Variants in ELF1 observed in about 807,000 individuals in gnomAD.
The protein encoded by ELF1 is E74 like ETS transcription factor 1.
Under a neutral mutation model 59.9 loss-of-function variants are expected in ELF1, and 24 were observed. The observed-to-expected ratio is 0.40, with a 90% CI of 0.29 to 0.56. The LOEUF (loss-of-function observed/expected upper bound fraction) is 0.56, where lower values mean the gene tolerates loss of function less well. Ranked by LOEUF, ELF1 falls within the 20% of genes least tolerant of loss-of-function variation. ELF1 has a pLI of 0.44. For missense variants in ELF1, 627 were observed against 742.2 expected, an observed-to-expected ratio of 0.84 and a Z score of 1.80; for synonymous variants, 248 against 266.2, an observed-to-expected ratio of 0.93 and a Z score of 0.67.
chr13:40,980,495 A>G lies in ELF1; in HGVS notation c.72+1488T>C, dbSNP rs76715149. 3.9e-3 allele frequency among the ~76,000 whole-genome samples: 601 copies of G among 152,356 alleles called. 2 individuals carry two copies. The highest frequency in any genetic ancestry group is 0.013 in the African/African-American group (545 of 41,580). ...TAAGTATATCATACATAGTAAGTGT[A>G]TAAGTGTTGTTTTGCAAAACTCTTT... is the stretch of plus-strand genomic sequence containing the variant. On this transcript the variant is annotated intron_variant, in intron 2 of 8. Transcript: ENST00000239882.
rs138139847 is a variant in ELF1 at position 41,039,036 on chromosome 13, T to A, written c.-229+21802A>T. Among the ~76,000 whole-genome samples the A allele has an allele frequency of 7.3e-3, 1,065 of 146,820 alleles. 7 individuals are homozygous for A. Among genetic ancestry groups the A allele is most frequent in the Middle Eastern group, 0.014 (4 of 280 alleles). On this transcript the variant is annotated intron_variant, in intron 1 of 1. Transcript: ENST00000405737. Reference sequence around the variant, plus strand: ...AAAAAAAAAAAAAAAAGACTTTCTATGTATGACAAAAGGGCAGGAAAAAAA... The same window carrying A: ...AAAAAAAAAAAAAAAAGACTTTCTAAGTATGACAAAAGGGCAGGAAAAAAA...
chr13:41,047,836 T>A (rs987686071), intron 1 of ELF1, among the ~76,000 whole-genome samples: 2 of 152,228 alleles, frequency 1.3e-5, no homozygotes, highest in Non-Finnish European at 2.9e-5. Context: ...TCTGCAGAGG[T>A]TTCTGCTGCC....
At chr13:41,001,200 C>T (rs1874417957) in intron 1 of ELF1, among the ~76,000 whole-genome samples, 1 of 152,106 alleles carries the variant, frequency 6.6e-6, no homozygotes, top group South Asian at 2.1e-4. Flanking sequence ...TGGTCTTGAA[C>T]TCATGATCTC....
intron 1 of ELF1, among the ~76,000 whole-genome samples, chr13:41,043,216 A>G (rs950481981): frequency 1.2e-4 from 19 of 152,130 alleles, no homozygotes; most frequent in African/African-American, 4.1e-4. Context: ...CCTTTGTCAG[A>G]TGAGTAGATT....
intron 1 of ELF1, among the ~76,000 whole-genome samples, chr13:41,058,831 C>A (rs911464101): frequency 6.6e-6 from 1 of 152,064 alleles, no homozygotes; most frequent in African/African-American, 2.4e-5. Flanking sequence ...AAATTGGCCA[C>A]GCGTGGTGGC....
At chr13:40,948,222 C>T (rs530255837) in intron 5 of ELF1, among the ~76,000 whole-genome samples, 8 of 152,314 alleles carry the variant, frequency 5.3e-5, no homozygotes, top group African/African-American at 1.9e-4. Flanking sequence ...CCAGCCATTC[C>T]ACTACTAAGT....
At chr13:40,944,344 G>A (rs1870373396) in intron 5 of ELF1, among the ~76,000 whole-genome samples, 1 of 152,132 alleles carries the variant, frequency 6.6e-6, no homozygotes, top group Non-Finnish European at 1.5e-5. Context: ...TTTAAGGTAG[G>A]AGAAGTGGAT....
intron 1 of ELF1, among the ~76,000 whole-genome samples, chr13:40,986,937 CT>C (rs1555276215): frequency 4.7e-5 from 6 of 126,850 alleles, no homozygotes; most frequent in African/African-American, 1.2e-4. Context: ...AATCATTGCT[CT>C]TTTTTTTTTT....
At chr13:40,948,565 A>T (rs1028649099) in intron 5 of ELF1, among the ~76,000 whole-genome samples, 13 of 152,168 alleles carry the variant, frequency 8.5e-5, no homozygotes, top group African/African-American at 2.9e-4. Context: ...CCTGACTTTC[A>T]CATGAACTTA....
chr13:40,965,728 T>G (rs1872135276), intron 2 of ELF1, among the ~76,000 whole-genome samples: 1 of 152,210 alleles, frequency 6.6e-6, no homozygotes, highest in South Asian at 2.1e-4. Context: ...CTTCCAAACC[T>G]TCCAAACACT....
At chr13:41,048,704 C>T (rs527714706) in intron 1 of ELF1, among the ~76,000 whole-genome samples, 38 of 151,914 alleles carry the variant, frequency 2.5e-4, no homozygotes, top group Admixed American at 1.3e-3. Context: ...TGAGCTACTA[C>T]GCCTAGCCGA....
At chr13:40,964,452 T>C (rs1417530547) in intron 2 of ELF1, among the ~76,000 whole-genome samples, 8 of 152,088 alleles carry the variant, frequency 5.3e-5, no homozygotes, top group Non-Finnish European at 8.8e-5. Flanking sequence ...CTTTGACTTA[T>C]AGATGGCTGG....
At position 40,949,942 on chromosome 13, in the gene ELF1, G is replaced by T; in HGVS notation, c.393C>A (p.Asp131Glu). Residue 131 changes from aspartate to glutamate, a missense_variant, in exon 5 of 9, where the codon GAC (aspartate) becomes GAA (glutamate). Around this residue, in one of 3 missense-constraint regions of ELF1, gnomAD observed 232 missense variants for 269.2 expected, o/e 0.86. Transcript: ENST00000239882. Reference sequence around the variant, plus strand: ...CATGGGTGACTGGGGCAACAACCATGTCATCTTCAGGTGAACTAAATATAT... The same window carrying T: ...CATGGGTGACTGGGGCAACAACCATTTCATCTTCAGGTGAACTAAATATAT... ...NNNIFSSPED[D>E]MVVAPVTHVS... 1 of 1,613,422 alleles carries T rather than the reference G, an allele frequency of 6.2e-7. No homozygotes were observed. The highest frequency in any genetic ancestry group is 8.5e-7 in the Non-Finnish European group (1 of 1,179,716).
intron 1 of ELF1, among the ~76,000 whole-genome samples, chr13:41,053,113 G>T: frequency 6.6e-6 from 1 of 152,114 alleles, no homozygotes; most frequent in East Asian, 1.9e-4. Context: ...CAGCACTTTG[G>T]GAGGCTGAGG....
At chr13:41,010,628 T>C (rs1875010679) in intron 1 of ELF1, among the ~76,000 whole-genome samples, 1 of 152,140 alleles carries the variant, frequency 6.6e-6, no homozygotes, top group African/African-American at 2.4e-5. Context: ...ATTAGTAAAA[T>C]ATATGCATAT....
chr13:41,042,881 C>T (rs1351854945), intron 1 of ELF1, among the ~76,000 whole-genome samples: 1 of 152,064 alleles, frequency 6.6e-6, no homozygotes, highest in African/African-American at 2.4e-5. Flanking sequence ...GAGGGATCGC[C>T]ACATCTTCCA....
At chr13:40,958,803 C>A (rs1871619874) in intron 3 of ELF1, 33 bp downstream of exon 3, 1 of 1,580,156 alleles carries the variant, frequency 6.3e-7, no homozygotes, top group Non-Finnish European at 8.6e-7. Flanking sequence ...AGCTGTGCTG[C>A]AGCAAGGTCC....
At chr13:41,044,896 A>G (rs1167509338) in intron 1 of ELF1, among the ~76,000 whole-genome samples, 1 of 152,212 alleles carries the variant, frequency 6.6e-6, no homozygotes, top group Non-Finnish European at 1.5e-5. Context: ...TACCTCTGGT[A>G]GAATTCGGCT....
At chr13:40,955,789 C>T (rs1370826106) in intron 3 of ELF1, among the ~76,000 whole-genome samples, 10 of 52,216 alleles carry the variant, frequency 1.9e-4, no homozygotes, top group African/African-American at 9.1e-4. Context: ...GTCAGCCCCC[C>T]GCCCGGCCAG....
Sources: gnomAD v4.1 joint callset for allele counts (sites outside exome capture counted in the v4.1 genomes callset) on GRCh38, gnomAD v4.1.1 for gene constraint, gnomAD v4.1.1 regional missense constraint, MANE v1.5 for transcripts, NCBI Gene and HGNC (gene_info 2026-07-23, HGNC 2026-07-21) for gene names.